The following SRCAP variants were observed in gnomAD, a reference collection of about 807,000 sequenced individuals.
SRCAP encodes the protein chromatin remodeling protein SRCAP.
SRCAP carries 46 observed loss-of-function variants against 263.1 expected under a neutral mutation model. That is an observed-to-expected ratio of 0.17 (90% CI 0.14 to 0.22). The LOEUF is 0.22. Ranked by LOEUF, SRCAP falls within the 10% of genes least tolerant of loss-of-function variation. SRCAP has a pLI of 1.00. For missense variants in SRCAP, 3,695 were observed against 4,181.9 expected (o/e 0.88, Z 3.21); for synonymous variants, 1,813 against 1,662.1 (o/e 1.09, Z -2.21).
Position 30,704,331 on chromosome 16 carries a change from G to T in SRCAP, c.306+16G>T. On this transcript the variant is annotated intron_variant, in intron 4 of 33. Transcript: ENST00000262518. The stretch of plus-strand genomic sequence containing the variant: ...GGCCAAGCATGTACGTATTAGAAAG[G>T]CTTATGAAGATTCTTGGGAGTTATC... The T allele has an allele frequency of 1.3e-6, 2 of 1,564,710 alleles. No homozygotes were observed. The highest frequency in any genetic ancestry group is 2.7e-5 in the African/African-American group (2 of 73,424).
chr16:30,730,292 G>T (rs2053100907), intron 27 of SRCAP, among the ~76,000 whole-genome samples: 2 of 151,900 alleles, frequency 1.3e-5, no homozygotes, highest in Non-Finnish European at 2.9e-5. Context: ...GGACCTTTTT[G>T]TGTTGACTAG....
At chr16:30,731,418 T>G (rs1379944293) in intron 27 of SRCAP, among the ~76,000 whole-genome samples, 1 of 152,200 alleles carries the variant, frequency 6.6e-6, no homozygotes. Flanking sequence ...GCACAGACAT[T>G]TGTATAGTAA....
Position 30,709,497 on chromosome 16 carries a change from T to C in SRCAP, c.634-16T>C, listed in dbSNP as rs1358870522. ...ATGGTTATCTTGGTGAGCAGTCCCT[T>C]TCACATCTGTGGCAGGTGGTGCAAT... On this transcript the variant is annotated splice_polypyrimidine_tract_variant and intron_variant, in intron 6 of 33. Transcript: ENST00000262518. 1 of 1,613,992 alleles carries C rather than the reference T, an allele frequency of 6.2e-7. No individual in the cohort carries two copies. The highest frequency in any genetic ancestry group is 1.7e-5 in the Admixed American group (1 of 60,026).
chr16:30,733,002 A>AT lies in SRCAP; in HGVS notation c.6128-273dup, dbSNP rs2053127799. On this transcript the variant is annotated intron_variant, in intron 27 of 33. Coordinates refer to ENST00000262518, the MANE Select transcript of SRCAP (RefSeq NM_006662.3). This position sits in a 1 kb window ranked among gnomAD's most constrained non-coding sequence, Gnocchi z 5.3. ...AGTCACCCGCCATCACGCCCAGCTA[A>AT]TTTTTGTGTTTTTAGTAGAGACAGG... Among the ~76,000 whole-genome samples, 2 of 152,020 alleles carry AT rather than the reference A, an allele frequency of 1.3e-5. No individual in the cohort carries two copies. The highest frequency in any genetic ancestry group is 6.5e-5 in the Admixed American group (1 of 15,276).
At position 30,708,804 on chromosome 16, in the gene SRCAP, A is replaced by G. The variant is rs148393354; in HGVS notation, c.634-709A>G. ...TTGGCCTCCCAAAGTGTGAGCCACT[A>G]TGCCTGGCTTCACCTACCTGTTTTT... On this transcript the variant is annotated intron_variant, in intron 6 of 33. Coordinates refer to ENST00000262518, the MANE Select transcript of SRCAP (RefSeq NM_006662.3). 5.9e-3 allele frequency among the ~76,000 whole-genome samples: 902 copies of G among 152,068 alleles called. 3 individuals carry two copies. Among genetic ancestry groups the G allele is most frequent in the Non-Finnish European group, 7.8e-3 (528 of 67,978 alleles).
chr16:30,712,056 A>G lies in SRCAP; in HGVS notation c.1714A>G (p.Thr572Ala). 1.2e-6 allele frequency: 2 copies of G among 1,613,780 alleles called. No individual in the cohort carries two copies. The highest frequency in any genetic ancestry group is 1.7e-6 in the Non-Finnish European group (2 of 1,179,954). The part of the protein sequence containing the change: ...SEADAGSGPP[T>A]PGPTTLGPKK... ...GGCAGATGCAGGCAGTGGGCCTCCT[A>G]CTCCAGGGCCCACTACTCTAGGTCC... The change falls in exon 12 of 34, where the codon ACT (threonine) becomes GCT (alanine). Residue 572 changes from threonine (T) to alanine (A), a missense_variant. Transcript: ENST00000262518.
intron 3 of SRCAP, among the ~76,000 whole-genome samples, chr16:30,702,871 A>G (rs2052783907): frequency 6.6e-6 from 1 of 151,664 alleles, no homozygotes; most frequent in African/African-American, 2.4e-5. Context: ...CCCAAAGTCC[A>G]CCGAGCCCAG....
rs2052895904 is a variant in SRCAP at position 30,711,828 on chromosome 16, C to T, written c.1493-7C>T. ...GATGAGCAGTAAGCCTTGGTCTTACCCTTTAGACTCTGTGGAGGACCGGAG... is the reference window on the plus strand; with the variant it reads ...GATGAGCAGTAAGCCTTGGTCTTACTCTTTAGACTCTGTGGAGGACCGGAG... On this transcript the variant is annotated splice_polypyrimidine_tract_variant and splice_region_variant and intron_variant, in intron 11 of 33. Transcript: ENST00000262518. The T allele has an allele frequency of 1.9e-6, 3 of 1,613,564 alleles. No individual in the cohort carries two copies. Among genetic ancestry groups the T allele is most frequent in the Non-Finnish European group, 2.5e-6 (3 of 1,179,824 alleles).
Position 30,718,475 on chromosome 16 carries a change from C to CT in SRCAP, c.2818-1671dup, listed in dbSNP as rs770730538. Among the ~76,000 whole-genome samples, 407 of 134,690 alleles carry CT rather than the reference C, an allele frequency of 3.0e-3. 3 individuals carry two copies. The highest frequency in any genetic ancestry group is 5.6e-3 in the African/African-American group (205 of 36,614). 88.4% of individuals were successfully genotyped at this position (134,690 alleles called of 152,430 possible). A position where few individuals can be genotyped will look rare whatever the true frequency, so the allele number is the denominator to read the frequency against. The stretch of plus-strand genomic sequence containing the variant: ...TACAGGTGTGAGCCACTGTGCCTGG[C>CT]TTTTTTTTTTTTTTTTAAGATGGAG... On this transcript the variant is annotated intron_variant, in intron 18 of 33. Transcript: ENST00000262518.
In SRCAP at chr16:30,716,143, C is replaced by T. The variant is rs2052946319; in HGVS notation, c.2571C>T (p.Ile857=). 1.2e-6 allele frequency: 2 copies of T among 1,614,182 alleles called. No individual in the cohort carries two copies. The highest frequency in any genetic ancestry group is 4.5e-5 in the East Asian group (2 of 44,882). Residue 857 remains isoleucine (I), a synonymous_variant, in exon 17 of 34, where the codon ATC becomes ATT. Coordinates refer to ENST00000262518, the MANE Select transcript of SRCAP (RefSeq NM_006662.3). The part of the protein sequence containing the change: ...KQMPKKYEHV[I]RCRLSKRQRC... ...TGCCCAAAAAGTACGAGCATGTTAT[C>T]CGCTGCAGGCTCTCCAAGCGTCAAC...
Position 30,738,927 on chromosome 16 carries a change from G to A in SRCAP, c.8887G>A (p.Glu2963Lys), listed in dbSNP as rs375006393. 14 of 1,613,912 alleles carry A rather than the reference G, an allele frequency of 8.7e-6. No homozygotes were observed. Among genetic ancestry groups the A allele is most frequent in the East Asian group, 4.5e-5 (2 of 44,876 alleles). ...TTCCTCTGCAGGGGATGGCAACTCC[G>A]AAAGTCGGACACAGCCACCCCCACA... ...TISSAGDGNS[E>K]SRTQPPPHPS... Residue 2963 changes from glutamate to lysine, a missense_variant, in exon 34 of 34, where the codon GAA (glutamate) becomes AAA (lysine). Physicochemically the swap from Glu to Lys is moderately conservative, Grantham distance 56 (BLOSUM62 1). Coordinates refer to ENST00000262518, the MANE Select transcript of SRCAP (RefSeq NM_006662.3).
chr16:30,707,068 T>G, intron 4 of SRCAP, 115 bp from the exon 5 acceptor site: 1 of 996,564 alleles, frequency 1.0e-6, no homozygotes, highest in Non-Finnish European at 1.5e-6. Context: ...GTTTGGTATG[T>G]GGACTAAACA....
At position 30,733,224 on chromosome 16, in the gene SRCAP, C is replaced by A. The variant is rs1207551594; in HGVS notation, c.6128-56C>A. The A allele has an allele frequency of 6.3e-7, 1 of 1,575,834 alleles. No individual in the cohort carries two copies. The highest frequency in any genetic ancestry group is 8.6e-7 in the Non-Finnish European group (1 of 1,158,128). On this transcript the variant is annotated intron_variant, in intron 27 of 33. Transcript: ENST00000262518. The surrounding 1 kb of genome is among the most constrained non-coding windows in gnomAD (Gnocchi z 5.3). ...TCAACCCCAGCCTTGCATTGCTAAGCATTCTACCCATTGCGGCTTGTAGCT... is the reference window on the plus strand; with the variant it reads ...TCAACCCCAGCCTTGCATTGCTAAGAATTCTACCCATTGCGGCTTGTAGCT...
chr16:30,706,279 A>G (rs753826679), intron 4 of SRCAP, among the ~76,000 whole-genome samples: 6 of 152,124 alleles, frequency 3.9e-5, no homozygotes, highest in Non-Finnish European at 8.8e-5. Context: ...GACATTGTGA[A>G]ACCTCGCCCC....
rs2052995551 is a variant in SRCAP, at chr16:30,720,091, C to T, written c.2818-71C>T. ...TTAATTCACTTAAGGATAATGGCCT[C>T]CAGCTACATCTGCGTTGCAAAGGAT... On this transcript the variant is annotated intron_variant, in intron 18 of 33. Transcript: ENST00000262518. 3.9e-6 allele frequency: 6 copies of T among 1,524,930 alleles called. No individual in the cohort carries two copies. The South Asian group carries it at 4.9e-5, about 13-fold the overall frequency. 94.5% of individuals were successfully genotyped at this position (1,524,930 alleles called of 1,614,324 possible). A position where few individuals can be genotyped will look rare whatever the true frequency, so the allele number is the denominator to read the frequency against.
At chr16:30,704,411 A>G (rs1488781402) in intron 4 of SRCAP, 96 bp downstream of exon 4, 1 of 1,460,192 alleles carries the variant, frequency 6.8e-7, no homozygotes, top group Non-Finnish European at 9.2e-7. Flanking sequence ...CTTTTTTGTC[A>G]TGGATTTAGG....
At position 30,733,797 on chromosome 16, in the gene SRCAP, A is replaced by C; in HGVS notation, c.6493A>C (p.Arg2165=). ...IGQTRDVHIY[R]LISERTVEEN... is the part of the protein sequence containing the mutation. ...CCAGACCCGGGATGTCCACATATAT[A>C]GGTATTGCCTAGTCTTCCCTCACCT... The change falls in exon 29 of 34, where the codon AGG becomes CGG. Residue 2165 remains arginine, a splice_region_variant and synonymous_variant. Transcript: ENST00000262518. The surrounding 1 kb of genome is among the most constrained non-coding windows in gnomAD (Gnocchi z 5.3). 1 of 1,613,062 alleles carries C rather than the reference A, an allele frequency of 6.2e-7. No homozygotes were observed. Among genetic ancestry groups the C allele is most frequent in the Middle Eastern group, 1.7e-4 (1 of 6,058 alleles).
chr16:30,719,437 G>C (rs1351898033), intron 18 of SRCAP, among the ~76,000 whole-genome samples: 2 of 151,594 alleles, frequency 1.3e-5, no homozygotes, highest in African/African-American at 4.8e-5. Flanking sequence ...GGCTGGTCTT[G>C]AACTCCTGAC....
Position 30,738,253 on chromosome 16 carries a change from C to G in SRCAP, c.8213C>G (p.Pro2738Arg). 1.2e-6 allele frequency: 2 copies of G among 1,612,440 alleles called. No homozygotes were observed. Among genetic ancestry groups the G allele is most frequent in the Non-Finnish European group, 1.7e-6 (2 of 1,178,988 alleles). Residue 2738 changes from proline to arginine, a missense_variant, in exon 34 of 34, where the codon CCA becomes CGA. By Grantham distance (103) the Pro-to-Arg change is moderately radical (BLOSUM62 -2). This residue lies in a region of SRCAP where 1,207 missense variants were observed against 1,142.9 expected (regional missense o/e 1.06). Coordinates refer to ENST00000262518, the MANE Select transcript of SRCAP (RefSeq NM_006662.3). ...ATTAGGGGTCAAGGGACTGGTCGGC[C>G]AGGACAACCACCAGGCCCCAAAGTG... Reference protein sequence around the residue: ...VEIRGQGTGRPGQPPGPKVLR... With the variant: ...VEIRGQGTGRRGQPPGPKVLR...
Sources: gnomAD v4.1 joint callset for allele counts (sites outside exome capture counted in the v4.1 genomes callset) on GRCh38, gnomAD v4.1.1 for gene constraint, gnomAD v4.1.1 regional missense constraint, Gnocchi (gnomAD v3.1) non-coding constraint, MANE v1.5 for transcripts, NCBI Gene and HGNC (gene_info 2026-07-23, HGNC 2026-07-21) for gene names.